Variants in DMD observed in about 807,000 individuals in gnomAD.
DMD encodes the protein dystrophin.
DMD carries 63 observed loss-of-function variants against 330.1 expected under a neutral mutation model. The ratio of observed to expected loss-of-function variants is 0.19; its 90% confidence interval spans 0.16 to 0.24. DMD has a LOEUF of 0.24. DMD is among the 10% of genes least tolerant of loss of function. DMD has a pLI of 1.00. For missense variants in DMD, 3,344 were observed against 2,684.1 expected, an observed-to-expected ratio of 1.25 and a Z score of -5.43; for synonymous variants, 1,223 against 959.8, an observed-to-expected ratio of 1.27 and a Z score of -5.07.
chrX:31,920,184 C>A (rs1220270195), intron 47 of DMD, among the ~76,000 whole-genome samples: 1 of 112,165 alleles, frequency 8.9e-6, no homozygotes, highest in Admixed American at 9.5e-5. Flanking sequence ...ATTTTAGCTA[C>A]ATAAATAAAC....
intron 21 of DMD, among the ~76,000 whole-genome samples, chrX:32,473,207 A>C (rs898250955): frequency 9.0e-6 from 1 of 111,503 alleles, no homozygotes; most frequent in East Asian, 2.8e-4. Flanking sequence ...TTCTAGAATT[A>C]AAAATACAGT....
At chrX:31,474,906 G>C (rs1377793471) in intron 59 of DMD, among the ~76,000 whole-genome samples, 2 of 109,802 alleles carry the variant, frequency 1.8e-5, no homozygotes, top group Non-Finnish European at 3.8e-5. Context: ...CTCATTCTTT[G>C]TAAACTACTA....
intron 1 of DMD, among the ~76,000 whole-genome samples, chrX:33,188,232 C>G (rs754853143): frequency 2.4e-4 from 26 of 109,742 alleles, no homozygotes; most frequent in Non-Finnish European, 4.9e-4. Flanking sequence ...TTTCCTTTAA[C>G]CATCTCTCTC....
At chrX:32,583,405 A>G (rs1186885871) in intron 13 of DMD, among the ~76,000 whole-genome samples, 3 of 111,662 alleles carry the variant, frequency 2.7e-5, no homozygotes, top group Non-Finnish European at 5.6e-5. Context: ...AGGTTGAGGC[A>G]GGAGAATTGC....
intron 18 of DMD, among the ~76,000 whole-genome samples, chrX:32,514,235 GAAAA>G (rs35838995): frequency 1.0e-4 from 8 of 77,279 alleles, no homozygotes; most frequent in Non-Finnish European, 1.5e-4. Flanking sequence ...AAGGCAGGTG[GAAAA>G]AAAAAAAAAA....
intron 5 of DMD, among the ~76,000 whole-genome samples, chrX:32,818,247 T>C (rs1370968266): frequency 8.9e-6 from 1 of 111,902 alleles, no homozygotes; most frequent in African/African-American, 3.3e-5. Context: ...GTCTGCCCTC[T>C]ATGTGCATAA....
chrX:31,204,902 GTGAGCTACTGCGCC>G (rs1422331232), intron 66 of DMD, among the ~76,000 whole-genome samples: 26 of 112,202 alleles, frequency 2.3e-4, no homozygotes, highest in African/African-American at 8.4e-4. Context: ...GATTACAGGT[GTGAGCTACTGCGCC>G]TGGCTGCGTA....
intron 37 of DMD, among the ~76,000 whole-genome samples, chrX:32,361,003 G>A (rs1210996754): frequency 1.8e-5 from 2 of 110,407 alleles, no homozygotes; most frequent in Admixed American, 2.0e-4. Context: ...GGCTGGGTCT[G>A]TCACATCTGT....
At chrX:32,999,137 G>A (rs773870170) in intron 2 of DMD, among the ~76,000 whole-genome samples, 8 of 112,460 alleles carry the variant, frequency 7.1e-5, no homozygotes, top group Non-Finnish European at 1.5e-4. Flanking sequence ...GAAACAAATT[G>A]ATCGCGATAG....
intron 60 of DMD, among the ~76,000 whole-genome samples, chrX:31,417,283 CTTTTTTTCT>C (rs1348595750): frequency 1.4e-4 from 15 of 110,829 alleles, no homozygotes; most frequent in African/African-American, 3.3e-4. Context: ...TTTTTCTTTT[CTTTTTTTCT>C]TTTTTTTCTT....
At chrX:33,114,920 T>A (rs2095369713) in intron 1 of DMD, among the ~76,000 whole-genome samples, 1 of 111,323 alleles carries the variant, frequency 9.0e-6, no homozygotes, top group South Asian at 3.7e-4. Flanking sequence ...CCAGCCCAAA[T>A]CATAAAGTTC....
rs2066997478 is a variant in DMD, at chrX:31,468,142, G to T, written c.8937+9964C>A. ...CCCCTGGCTTCATTGATTTTTTGAA[G>T]GATTTCTCATGTCTCTATCTCCTTC... is the stretch of plus-strand genomic sequence containing the variant. On this transcript the variant is annotated intron_variant, in intron 59 of 78. Transcript: ENST00000357033. 2.7e-5 allele frequency among the ~76,000 whole-genome samples: 3 copies of T among 111,442 alleles called. No individual in the cohort carries two copies. The South Asian group carries it at 1.1e-3, about 42-fold the overall frequency.
At chrX:31,198,759 T>C (rs915169164) in intron 67 of DMD, among the ~76,000 whole-genome samples, 21 of 111,730 alleles carry the variant, frequency 1.9e-4, no homozygotes, top group African/African-American at 6.5e-4. Context: ...TGGCCTGTCA[T>C]TGACCAAAAC....
chrX:32,523,995 C>A (rs1445490190), intron 17 of DMD, among the ~76,000 whole-genome samples: 1 of 103,794 alleles, frequency 9.6e-6, no homozygotes, highest in South Asian at 4.6e-4. Flanking sequence ...TGCAGTGGCG[C>A]GATCTCGGCT....
In DMD at chrX:32,515,546, A is replaced by AT. The variant is rs958311468; in HGVS notation, c.2292+2461dup. ...AATCCCCTTGTGATCAAAGGAGGCTATTTTTTTTGTTTGTTTCATTACCAA... is the reference window on the plus strand; with the variant it reads ...AATCCCCTTGTGATCAAAGGAGGCTATTTTTTTTTGTTTGTTTCATTACCAA... On this transcript the variant is annotated intron_variant, in intron 18 of 78. Coordinates refer to ENST00000357033, the MANE Select transcript of DMD (RefSeq NM_004006.3). Among the ~76,000 whole-genome samples, 11 of 110,792 alleles carry AT rather than the reference A, an allele frequency of 9.9e-5. No individual in the cohort carries two copies. The South Asian group carries it at 1.9e-3, about 19-fold the overall frequency.
intron 7 of DMD, among the ~76,000 whole-genome samples, chrX:32,777,228 G>A (rs1265340989): frequency 7.6e-5 from 6 of 78,448 alleles, no homozygotes; most frequent in Non-Finnish European, 1.1e-4. Flanking sequence ...TTACATCTAG[G>A]GATACAGACT....
chrX:33,093,815 C>G (rs918355605), intron 1 of DMD, among the ~76,000 whole-genome samples: 1 of 110,892 alleles, frequency 9.0e-6, no homozygotes, highest in Non-Finnish European at 1.9e-5. Context: ...AGGCCATAAT[C>G]TTGATGAGTT....
At chrX:32,768,426 T>A (rs1413759331) in intron 7 of DMD, among the ~76,000 whole-genome samples, 1 of 112,050 alleles carries the variant, frequency 8.9e-6, no homozygotes, top group East Asian at 2.8e-4. Context: ...TGTGCCAATT[T>A]TGTCACCAAG....
At chrX:32,278,854 C>G (rs2097401346) in intron 43 of DMD, among the ~76,000 whole-genome samples, 1 of 111,390 alleles carries the variant, frequency 9.0e-6, no homozygotes, top group African/African-American at 3.3e-5. Flanking sequence ...CGCAGTGAAA[C>G]AATCAATAAA....
Sources: allele counts gnomAD v4.1 joint callset (sites outside exome capture counted in the v4.1 genomes callset), GRCh38; gene constraint gnomAD v4.1.1; transcripts MANE v1.5; gene names NCBI Gene and HGNC (gene_info 2026-07-23, HGNC 2026-07-21).